The following CDH13 variants were observed in gnomAD, a reference collection of about 807,000 sequenced individuals.
CDH13 encodes cadherin 13.
Under a neutral mutation model 63.8 loss-of-function variants are expected in CDH13, and 24 were observed. The observed-to-expected ratio is 0.38, with a 90% CI of 0.27 to 0.53. The LOEUF is 0.53. Ranked by LOEUF, CDH13 falls within the 20% of genes least tolerant of loss-of-function variation. CDH13 has a pLI of 0.85. For synonymous variants in CDH13, 503 were observed against 355.3 expected (o/e 1.42, Z -4.67); for missense variants, 1,049 against 903.1 (o/e 1.16, Z -2.07).
At chr16:83,462,610 T>A (rs752174469) in intron 6 of CDH13, among the ~76,000 whole-genome samples, 6 of 151,936 alleles carry the variant, frequency 3.9e-5, no homozygotes, top group Non-Finnish European at 8.8e-5. Flanking sequence ...AAAAATAAAT[T>A]AGCCAGGTGT....
intron 6 of CDH13, among the ~76,000 whole-genome samples, chr16:83,379,006 T>TATATATACACAC (rs540642910): frequency 0.083 from 12,287 of 148,400 alleles, 708 homozygotes; most frequent in Non-Finnish European, 0.12. Flanking sequence ...TATATATATA[T>TATATATACACAC]ACACACACAC....
At chr16:83,643,815 A>G (rs1245327871) in intron 8 of CDH13, among the ~76,000 whole-genome samples, 1 of 152,194 alleles carries the variant, frequency 6.6e-6, no homozygotes, top group Non-Finnish European at 1.5e-5. Context: ...CATAATGTCA[A>G]ACATGTCAAC....
intron 1 of CDH13, among the ~76,000 whole-genome samples, chr16:82,752,140 G>A (rs2034441922): frequency 6.6e-6 from 1 of 152,182 alleles, no homozygotes. Context: ...AACAAGGCAG[G>A]CCTGGGACAA....
chr16:83,452,561 T>G (rs575577715), intron 6 of CDH13, among the ~76,000 whole-genome samples: 1 of 152,332 alleles, frequency 6.6e-6, no homozygotes, highest in South Asian at 2.1e-4. Context: ...GTTGTTGTTT[T>G]GCTTGGGGAT....
At chr16:83,447,474 A>T (rs1000676141) in intron 6 of CDH13, among the ~76,000 whole-genome samples, 2 of 152,062 alleles carry the variant, frequency 1.3e-5, no homozygotes, top group Non-Finnish European at 2.9e-5. Flanking sequence ...GTGGATCAGG[A>T]CTGTGGAAAG....
chr16:83,457,531 A>G (rs749363349), intron 6 of CDH13, among the ~76,000 whole-genome samples: 25 of 152,262 alleles, frequency 1.6e-4, no homozygotes, highest in Non-Finnish European at 1.8e-4. Context: ...TGGATCCTCA[A>G]TAAATCACAG....
At chr16:82,773,165 C>T (rs1377679184) in intron 1 of CDH13, among the ~76,000 whole-genome samples, 1 of 152,216 alleles carries the variant, frequency 6.6e-6, no homozygotes, top group Non-Finnish European at 1.5e-5. Context: ...CAGAGCAAAC[C>T]TGGGACATGG....
intron 1 of CDH13, among the ~76,000 whole-genome samples, chr16:82,761,844 A>G (rs1328139153): frequency 2.0e-5 from 3 of 152,136 alleles, no homozygotes; most frequent in Non-Finnish European, 4.4e-5. Context: ...GATTTTTTAT[A>G]CACACACACA....
At chr16:83,459,308 G>A (rs1480301934) in intron 6 of CDH13, among the ~76,000 whole-genome samples, 3 of 152,196 alleles carry the variant, frequency 2.0e-5, no homozygotes, top group Non-Finnish European at 4.4e-5. Flanking sequence ...TTCCTAGCAT[G>A]CATTCCAGTG....
intron 2 of CDH13, among the ~76,000 whole-genome samples, chr16:82,910,324 C>T (rs888648721): frequency 6.6e-6 from 1 of 152,134 alleles, no homozygotes; most frequent in African/African-American, 2.4e-5. Context: ...TCTCTCTGCA[C>T]CTGTGATGAC....
chr16:82,980,476 A>G (rs1177367770), intron 2 of CDH13, among the ~76,000 whole-genome samples: 2 of 152,214 alleles, frequency 1.3e-5, no homozygotes, highest in African/African-American at 4.8e-5. Context: ...ATTAAACACA[A>G]CACAGTATTA....
chr16:82,995,849 G>A (rs1019711203), intron 2 of CDH13, among the ~76,000 whole-genome samples: 14 of 152,080 alleles, frequency 9.2e-5, no homozygotes, highest in Admixed American at 5.9e-4. Flanking sequence ...CAACCCTCTC[G>A]CGGGCTGCTG....
intron 5 of CDH13, among the ~76,000 whole-genome samples, chr16:83,294,189 A>G (rs902416040): frequency 6.6e-6 from 1 of 152,198 alleles, no homozygotes; most frequent in Non-Finnish European, 1.5e-5. Context: ...GAATGATTAA[A>G]TCTAGCTAAT....
intron 3 of CDH13, among the ~76,000 whole-genome samples, chr16:83,066,428 G>C (rs1241486233): frequency 3.3e-5 from 5 of 152,158 alleles, no homozygotes; most frequent in Admixed American, 2.6e-4. Flanking sequence ...CGAGTTGGTT[G>C]CCCAACCAAG....
At chr16:82,847,178 A>C (rs551332838) in intron 1 of CDH13, among the ~76,000 whole-genome samples, 1 of 152,180 alleles carries the variant, frequency 6.6e-6, no homozygotes, top group African/African-American at 2.4e-5. Flanking sequence ...CTGAGTGTCT[A>C]TTGTGGGGCC....
chr16:83,011,790 A>G (rs1016136468), intron 2 of CDH13, among the ~76,000 whole-genome samples: 1 of 152,102 alleles, frequency 6.6e-6, no homozygotes, highest in Admixed American at 6.6e-5. Flanking sequence ...CCAAACTTCT[A>G]CAGCCAAACC....
chr16:83,537,951 A>C (rs2075225999), intron 7 of CDH13, among the ~76,000 whole-genome samples: 1 of 152,188 alleles, frequency 6.6e-6, no homozygotes, highest in South Asian at 2.1e-4. Flanking sequence ...AAATGGGGGA[A>C]GTCTGTTTCC....
intron 3 of CDH13, among the ~76,000 whole-genome samples, chr16:83,069,649 A>T (rs1287405570): frequency 1.3e-5 from 2 of 152,090 alleles, no homozygotes; most frequent in Non-Finnish European, 2.9e-5. Context: ...AAAGACTATC[A>T]CTGCTTCCTC....
At chr16:83,429,383 C>A (rs1393328393) in intron 6 of CDH13, among the ~76,000 whole-genome samples, 3 of 152,168 alleles carry the variant, frequency 2.0e-5, no homozygotes, top group Non-Finnish European at 4.4e-5. Context: ...GATGACCCAT[C>A]TTTAAGGAAA....
Sources: gnomAD v4.1 joint callset for allele counts (sites outside exome capture counted in the v4.1 genomes callset) on GRCh38, gnomAD v4.1.1 for gene constraint, MANE v1.5 for transcripts, NCBI Gene and HGNC (gene_info 2026-07-23, HGNC 2026-07-21) for gene names.